Variants in FHIP1A observed in about 807,000 individuals in gnomAD.
The protein encoded by FHIP1A is FHF complex subunit HOOK interacting protein 1A.
Under a neutral mutation model 88.6 loss-of-function variants are expected in FHIP1A, and 61 were observed. That is an observed-to-expected ratio of 0.69 (90% CI 0.56 to 0.85). The LOEUF (loss-of-function observed/expected upper bound fraction) is 0.85. FHIP1A is among the 40% of genes least tolerant of loss of function. FHIP1A has a pLI of 0.00. For synonymous variants in FHIP1A, 478 were observed against 496.0 expected (o/e 0.96, Z 0.48); for missense variants, 1,154 against 1,273.5 (o/e 0.91, Z 1.43).
Position 151,654,371 on chromosome 4 carries a change from C to G in FHIP1A, c.2552-1861C>G, listed in dbSNP as rs538110238. Among the ~76,000 whole-genome samples the G allele has an allele frequency of 7.4e-4, 112 of 152,206 alleles. 2 individuals carry two copies. The highest frequency in any genetic ancestry group is 7.2e-4 in the Admixed American group (11 of 15,296). Reference sequence around the variant, plus strand: ...AGTGATGTCCTGTGGATGGTCCCCCCTGGTCACTGCATGGTCAGCAGTTTA... The same window carrying G: ...AGTGATGTCCTGTGGATGGTCCCCCGTGGTCACTGCATGGTCAGCAGTTTA... On this transcript the variant is annotated intron_variant, in intron 11 of 13. Coordinates refer to ENST00000435205, the MANE Select transcript of FHIP1A (RefSeq NM_001109977.3).
chr4:151,537,268 T>C (rs1210182655), intron 3 of FHIP1A, among the ~76,000 whole-genome samples: 1 of 152,086 alleles, frequency 6.6e-6, no homozygotes, highest in Non-Finnish European at 1.5e-5. Flanking sequence ...TCTGCATCTT[T>C]TCTGACATTT....
intron 7 of FHIP1A, among the ~76,000 whole-genome samples, chr4:151,594,374 G>A (rs1178723271): frequency 6.6e-6 from 1 of 152,016 alleles, no homozygotes; most frequent in Non-Finnish European, 1.5e-5. Context: ...CTGGTCCTGG[G>A]CTTTTTTTTG....
At chr4:151,503,536 A>G (rs1178078203) in intron 3 of FHIP1A, among the ~76,000 whole-genome samples, 2 of 152,240 alleles carry the variant, frequency 1.3e-5, no homozygotes, top group African/African-American at 4.8e-5. Context: ...AAGGGAAGAT[A>G]GAGGTTCTAA....
At chr4:151,605,313 A>G (rs767711526) in intron 7 of FHIP1A, among the ~76,000 whole-genome samples, 16 of 152,188 alleles carry the variant, frequency 1.1e-4, no homozygotes, top group Non-Finnish European at 2.1e-4. Flanking sequence ...GTTTGGGACT[A>G]TCTCTGGTGG....
intron 5 of FHIP1A, 93 bp downstream of exon 5, chr4:151,578,169 C>G (rs951674192): frequency 1.9e-5 from 23 of 1,193,574 alleles, no homozygotes; most frequent in African/African-American, 3.1e-5. Context: ...TTTTTTCTCC[C>G]AGTAAGTTGT....
intron 3 of FHIP1A, among the ~76,000 whole-genome samples, chr4:151,506,175 T>C (rs975370136): frequency 6.6e-6 from 1 of 152,082 alleles, no homozygotes; most frequent in Admixed American, 6.5e-5. Flanking sequence ...CTCCAAGTGC[T>C]AGTATTACAG....
chr4:151,433,616 T>C (rs973708875), intron 1 of FHIP1A, among the ~76,000 whole-genome samples: 4 of 152,048 alleles, frequency 2.6e-5, no homozygotes, highest in Admixed American at 2.6e-4. Flanking sequence ...AGGTGTTAAC[T>C]AAGGGCATGG....
chr4:151,533,255 G>T (rs533860017), intron 3 of FHIP1A, among the ~76,000 whole-genome samples: 2 of 152,106 alleles, frequency 1.3e-5, no homozygotes, highest in Non-Finnish European at 2.9e-5. Flanking sequence ...AATTAGCTGA[G>T]CATGGTGGTG....
chr4:151,523,602 G>A (rs1194046742), intron 3 of FHIP1A, among the ~76,000 whole-genome samples: 1 of 152,124 alleles, frequency 6.6e-6, no homozygotes, highest in African/African-American at 2.4e-5. Flanking sequence ...GTGCTCTTAG[G>A]GGTTGGGAGC....
chr4:151,416,478 A>C (rs1019265395), intron 1 of FHIP1A, among the ~76,000 whole-genome samples: 2 of 152,198 alleles, frequency 1.3e-5, no homozygotes. Flanking sequence ...ACACACATAC[A>C]TACCCCCTAT....
At chr4:151,649,056 A>G (rs1056219897) in intron 10 of FHIP1A, among the ~76,000 whole-genome samples, 1 of 152,196 alleles carries the variant, frequency 6.6e-6, no homozygotes, top group South Asian at 2.1e-4. Flanking sequence ...ATGGATTACC[A>G]GCCTTCCGCT....
chr4:151,484,788 A>G (rs1021402141), intron 3 of FHIP1A, among the ~76,000 whole-genome samples: 3 of 152,214 alleles, frequency 2.0e-5, no homozygotes, highest in Non-Finnish European at 4.4e-5. Flanking sequence ...AGCTGTTGAG[A>G]TAATTGTATA....
chr4:151,456,218 G>A (rs989539685), intron 2 of FHIP1A, among the ~76,000 whole-genome samples: 3 of 152,106 alleles, frequency 2.0e-5, no homozygotes, highest in Admixed American at 6.6e-5. Flanking sequence ...TGTCATTCCC[G>A]AAAGTCTATC....
chr4:151,501,715 A>G (rs536902162), intron 3 of FHIP1A, among the ~76,000 whole-genome samples: 1 of 149,142 alleles, frequency 6.7e-6, no homozygotes, highest in Non-Finnish European at 1.5e-5. Context: ...GGTCATTTGT[A>G]TATCTACTGT....
intron 3 of FHIP1A, among the ~76,000 whole-genome samples, chr4:151,548,405 G>A (rs900134810): frequency 6.6e-6 from 1 of 152,204 alleles, no homozygotes; most frequent in African/African-American, 2.4e-5. Context: ...TGCATTTCTA[G>A]TAAGTTAGAC....
At chr4:151,564,583 A>G (rs567024618) in intron 3 of FHIP1A, among the ~76,000 whole-genome samples, 55 of 152,306 alleles carry the variant, frequency 3.6e-4, no homozygotes, top group Admixed American at 3.0e-3. Context: ...AATAGTAGCA[A>G]AGGACTATGG....
intron 10 of FHIP1A, 96 bp downstream of exon 10, chr4:151,646,844 G>A: frequency 1.2e-6 from 1 of 801,454 alleles, no homozygotes; most frequent in Non-Finnish European, 2.0e-6. Context: ...GAATTATGTG[G>A]TGGGTCCCAT....
intron 2 of FHIP1A, among the ~76,000 whole-genome samples, chr4:151,479,450 C>G (rs1729820560): frequency 6.6e-6 from 1 of 152,046 alleles, no homozygotes. Context: ...GGAGATTCCA[C>G]ATGTGAATAT....
intron 3 of FHIP1A, among the ~76,000 whole-genome samples, chr4:151,521,138 G>A (rs1412546607): frequency 6.6e-6 from 1 of 152,160 alleles, no homozygotes; most frequent in Non-Finnish European, 1.5e-5. Flanking sequence ...TATTTTATGT[G>A]TGTATAAATA....
Sources: gnomAD v4.1 joint callset for allele counts (sites outside exome capture counted in the v4.1 genomes callset) on GRCh38, gnomAD v4.1.1 for gene constraint, MANE v1.5 for transcripts, NCBI Gene and HGNC (gene_info 2026-07-23, HGNC 2026-07-21) for gene names.